Variants in TTLL7 observed in about 807,000 individuals in gnomAD.
TTLL7 encodes the protein tubulin tyrosine ligase like 7.
In TTLL7, 53 loss-of-function variants were observed where a neutral mutation model predicts 120.2. That is an observed-to-expected ratio of 0.44 (90% CI 0.35 to 0.55). TTLL7 has a LOEUF of 0.55. Among genes scored for constraint, TTLL7 ranks in the 20% least tolerant of loss-of-function variants. The pLI is 0.00. For missense variants in TTLL7, 803 were observed against 1,054.7 expected, an observed-to-expected ratio of 0.76 and a Z score of 3.31; for synonymous variants, 353 against 351.7, an observed-to-expected ratio of 1.00 and a Z score of -0.04.
intron 16 of TTLL7, 27 bp downstream of exon 16, chr1:83,907,429 C>T (rs1053455883): frequency 6.2e-7 from 1 of 1,606,992 alleles, no homozygotes; most frequent in Non-Finnish European, 8.5e-7. Flanking sequence ...TCCCTGTAAT[C>T]TTGAAAGAGC....
chr1:83,960,829 A>G (rs992317863), intron 1 of TTLL7, among the ~76,000 whole-genome samples: 4 of 152,114 alleles, frequency 2.6e-5, no homozygotes, highest in Admixed American at 2.0e-4. Context: ...AACAACTCTC[A>G]TAACAATAAA....
intron 5 of TTLL7, 135 bp downstream of exon 5, chr1:83,948,493 T>A (rs1315071156): frequency 5.1e-6 from 3 of 588,938 alleles, no homozygotes; most frequent in Non-Finnish European, 8.8e-6. Flanking sequence ...TTCTAAGACC[T>A]CTCTAGCTCC....
At chr1:83,894,873 C>T (rs1051872291) in intron 18 of TTLL7, among the ~76,000 whole-genome samples, 8 of 152,040 alleles carry the variant, frequency 5.3e-5, no homozygotes, top group Non-Finnish European at 8.8e-5. Flanking sequence ...TTTCAAGGAG[C>T]CTCCGCAAGA....
intron 18 of TTLL7, among the ~76,000 whole-genome samples, chr1:83,893,009 G>A (rs1188818173): frequency 1.3e-5 from 2 of 150,046 alleles, no homozygotes; most frequent in African/African-American, 2.5e-5. Context: ...GAGGAGAGGA[G>A]AGGAGAGATG....
intron 1 of TTLL7, among the ~76,000 whole-genome samples, chr1:83,964,107 C>G (rs998737227): frequency 1.3e-5 from 2 of 152,062 alleles, no homozygotes; most frequent in African/African-American, 4.8e-5. Context: ...ATAGACTTTA[C>G]GTGAAGGCCC....
At chr1:83,927,027 A>C (rs564695572) in intron 10 of TTLL7, among the ~76,000 whole-genome samples, 11 of 152,236 alleles carry the variant, frequency 7.2e-5, no homozygotes, top group African/African-American at 2.2e-4. Flanking sequence ...ATCTGTACTC[A>C]AATTGCATTC....
rs569420602 is a variant in TTLL7 at position 83,874,932 on chromosome 1, T to C, written c.2544-4850A>G. 1.7e-3 allele frequency among the ~76,000 whole-genome samples: 257 copies of C among 152,098 alleles called. 1 individual carries two copies. The highest frequency in any genetic ancestry group is 2.7e-3 in the Non-Finnish European group (186 of 67,860). On this transcript the variant is annotated intron_variant, in intron 20 of 20. Transcript: ENST00000260505. ...CTGGCCTCAATAACAAGAATCTCTC[T>C]GTTCTTAGATAGATATATCCAAGTG...
chr1:83,959,912 AATAAT>A (rs1425482202), intron 1 of TTLL7, among the ~76,000 whole-genome samples: 2 of 152,148 alleles, frequency 1.3e-5, no homozygotes, highest in Non-Finnish European at 2.9e-5. Flanking sequence ...AATTATACAA[AATAAT>A]ATATTTCTTA....
At chr1:83,974,193 T>C (rs1651249861) in intron 1 of TTLL7, among the ~76,000 whole-genome samples, 1 of 152,004 alleles carries the variant, frequency 6.6e-6, no homozygotes, top group Non-Finnish European at 1.5e-5. Context: ...ATCCATTTCA[T>C]GGGCACGGGA....
chr1:83,976,471 A>G (rs1651498160), intron 1 of TTLL7, among the ~76,000 whole-genome samples: 1 of 152,134 alleles, frequency 6.6e-6, no homozygotes, highest in South Asian at 2.1e-4. Flanking sequence ...AATGGAGTTT[A>G]GTTTTTTTCA....
chr1:83,887,753 C>G (rs1306149857), intron 19 of TTLL7, among the ~76,000 whole-genome samples: 3 of 151,988 alleles, frequency 2.0e-5, no homozygotes, highest in Non-Finnish European at 4.4e-5. Context: ...CTCAGATTAC[C>G]TGGATTTAAA....
intron 6 of TTLL7, among the ~76,000 whole-genome samples, chr1:83,943,353 T>C (rs921907133): frequency 1.3e-5 from 2 of 152,092 alleles, no homozygotes; most frequent in South Asian, 4.1e-4. Flanking sequence ...AGAAGCATGC[T>C]CAAGAAAGAC....
chr1:83,983,273 G>C (rs1465851410), intron 1 of TTLL7, among the ~76,000 whole-genome samples: 1 of 152,170 alleles, frequency 6.6e-6, no homozygotes, highest in African/African-American at 2.4e-5. Flanking sequence ...GGAGGCTGCA[G>C]TGAGCCGAGA....
intron 1 of TTLL7, among the ~76,000 whole-genome samples, chr1:83,968,363 G>C (rs1341932462): frequency 6.6e-6 from 1 of 151,778 alleles, no homozygotes; most frequent in Non-Finnish European, 1.5e-5. Context: ...GACCCACCAA[G>C]AAGATAAGAA....
intron 20 of TTLL7, among the ~76,000 whole-genome samples, chr1:83,880,474 A>G (rs1276542338): frequency 1.3e-5 from 2 of 151,990 alleles, no homozygotes; most frequent in African/African-American, 4.8e-5. Context: ...AATAAAGTTC[A>G]TTTTATTATA....
At chr1:83,997,337 C>T (rs1653575766) in intron 1 of TTLL7, among the ~76,000 whole-genome samples, 1 of 152,078 alleles carries the variant, frequency 6.6e-6, no homozygotes, top group South Asian at 2.1e-4. Context: ...ATCTGTAAGT[C>T]GCTAATGAAA....
At chr1:83,966,203 T>A (rs76267133) in intron 1 of TTLL7, among the ~76,000 whole-genome samples, 7,094 of 152,142 alleles carry the variant, frequency 0.047, 226 homozygotes, top group Middle Eastern at 0.11. Context: ...AAGACCCACA[T>A]GAAAGAGAGG....
At chr1:83,966,380 T>A (rs1650466579) in intron 1 of TTLL7, among the ~76,000 whole-genome samples, 1 of 151,676 alleles carries the variant, frequency 6.6e-6, no homozygotes, top group African/African-American at 2.4e-5. Flanking sequence ...TGTCTCTCTA[T>A]CTCCCCCCAA....
intron 1 of TTLL7, among the ~76,000 whole-genome samples, chr1:83,969,000 CT>C (rs1203285480): frequency 2.6e-5 from 4 of 151,938 alleles, no homozygotes; most frequent in African/African-American, 9.7e-5. Flanking sequence ...ATAAGTATTT[CT>C]CAAATGAAAT....
Sources: allele counts gnomAD v4.1 joint callset (sites outside exome capture counted in the v4.1 genomes callset), GRCh38; gene constraint gnomAD v4.1.1; transcripts MANE v1.5; gene names NCBI Gene and HGNC (gene_info 2026-07-23, HGNC 2026-07-21).